Variants in TPR observed in about 807,000 individuals in gnomAD.
The protein encoded by TPR is translocated promoter region, nuclear basket protein.
A neutral mutation model predicts 316.1 loss-of-function variants in TPR; 51 were observed. The ratio of observed to expected loss-of-function variants is 0.16; its 90% CI spans 0.13 to 0.20. The LOEUF (loss-of-function observed/expected upper bound fraction) is 0.20. TPR is among the 10% of genes least tolerant of loss of function. The probability of loss-of-function intolerance (pLI) is 1.00; values close to 1 mark genes in which losing one functional copy is unlikely to be tolerated. For synonymous variants in TPR, 981 were observed against 914.7 expected, an observed-to-expected ratio of 1.07 and a Z score of -1.31; for missense variants, 2,272 against 2,754.8, an observed-to-expected ratio of 0.82 and a Z score of 3.92.
chr1:186,360,125 C>A (rs878041), intron 11 of TPR, 129 bp from the exon 12 acceptor site: 769,363 of 1,286,200 alleles, frequency 0.6, 231,553 homozygotes, highest in East Asian at 0.67. Flanking sequence ...AGTTACACAG[C>A]ACTAGGAACC....
chr1:186,370,387 T>C (rs936642350), intron 3 of TPR, among the ~76,000 whole-genome samples: 3 of 152,130 alleles, frequency 2.0e-5, no homozygotes, highest in Non-Finnish European at 2.9e-5. Flanking sequence ...TTCTTGGGTA[T>C]TGAGTCATTC....
intron 49 of TPR, 58 bp downstream of exon 49, chr1:186,317,424 T>C (rs1657643741): frequency 7.5e-7 from 1 of 1,339,000 alleles, no homozygotes; most frequent in Non-Finnish European, 1.1e-6. Flanking sequence ...TAAAGCAGTG[T>C]TTTCACAAAC....
chr1:186,337,262 C>T, intron 31 of TPR, 106 bp from the exon 32 acceptor site: 3 of 1,348,192 alleles, frequency 2.2e-6, no homozygotes, highest in Non-Finnish European at 2.9e-6. Context: ...GAAATTTTAT[C>T]CCTGAAGGTA....
intron 43 of TPR, 142 bp from the exon 44 acceptor site, chr1:186,322,728 C>T: frequency 2.6e-6 from 2 of 780,420 alleles, no homozygotes; most frequent in Middle Eastern, 2.5e-4. Context: ...CCAGGAAAAC[C>T]TGCCAAGAAA....
In TPR at chr1:186,326,107, A is replaced by T. The variant is rs1237165441; in HGVS notation, c.6018T>A (p.Ala2006=). 1 of 1,613,772 alleles carries T rather than the reference A, an allele frequency of 6.2e-7. No homozygotes were observed. Among genetic ancestry groups the T allele is most frequent in the Non-Finnish European group, 8.5e-7 (1 of 1,179,772 alleles). Reference sequence around the variant, plus strand: ...GGTTAAAATTCTAGCCAGTTACCTCAGCATCATCAGCTTCATAACCATCAT... The same window carrying T: ...GGTTAAAATTCTAGCCAGTTACCTCTGCATCATCAGCTTCATAACCATCAT... The part of the protein sequence containing the change: ...DGNDGYEADD[A]EGGDGTDPGT... Residue 2006 remains alanine (A), a synonymous_variant, in exon 41 of 51, where the codon GCT becomes GCA. Coordinates refer to ENST00000367478, the MANE Select transcript of TPR (RefSeq NM_003292.3).
intron 21 of TPR, among the ~76,000 whole-genome samples, chr1:186,349,214 G>A (rs1159110303): frequency 6.6e-6 from 1 of 152,208 alleles, no homozygotes; most frequent in African/African-American, 2.4e-5. Context: ...ATAATGAAGT[G>A]TTGAGTATTG....
At chr1:186,371,902 G>C (rs1054395366) in intron 2 of TPR, among the ~76,000 whole-genome samples, 3 of 152,036 alleles carry the variant, frequency 2.0e-5, no homozygotes, top group African/African-American at 7.2e-5. Flanking sequence ...GAAGGTATCT[G>C]ATGTATCTGT....
chr1:186,340,981 TA>T (rs1432532657), intron 29 of TPR, 46 bp downstream of exon 29: 5 of 1,582,494 alleles, frequency 3.2e-6, no homozygotes, highest in Non-Finnish European at 3.4e-6. Flanking sequence ...CCCCTATTAT[TA>T]AAAACACGTG....
At chr1:186,317,450 A>G in intron 49 of TPR, 32 bp downstream of exon 49, 1 of 1,549,660 alleles carries the variant, frequency 6.5e-7, no homozygotes, top group Non-Finnish European at 8.9e-7. Context: ...TGATGTATAA[A>G]AACTGTATTG....
intron 27 of TPR, chr1:186,343,040 A>G: frequency 3.7e-6 from 1 of 267,058 alleles, no homozygotes; most frequent in South Asian, 1.3e-4. Flanking sequence ...CCTCATTATT[A>G]TCCAAATATT....
Position 186,355,617 on chromosome 1 carries a change from C to G in TPR, c.2022+18G>C. 6.2e-7 allele frequency: 1 copy of G among 1,613,898 alleles called. No individual in the cohort carries two copies. The highest frequency in any genetic ancestry group is 8.5e-7 in the Non-Finnish European group (1 of 1,179,962). ...TGTTCTCTAAAAACCTAACCCAGGA[C>G]AAAGGTGTGATCTTTACCTGTTTAA... On this transcript the variant is annotated intron_variant, in intron 16 of 50. Coordinates refer to ENST00000367478, the MANE Select transcript of TPR (RefSeq NM_003292.3).
chr1:186,335,268 T>C (rs1346549283), intron 34 of TPR, 70 bp downstream of exon 34: 2 of 1,580,666 alleles, frequency 1.3e-6, no homozygotes, highest in African/African-American at 1.4e-5. Flanking sequence ...GGCTCCTATA[T>C]CACCAAGCAC....
intron 21 of TPR, 131 bp downstream of exon 21, chr1:186,350,092 G>A (rs1658815277): frequency 1.1e-6 from 1 of 907,602 alleles, no homozygotes; most frequent in South Asian, 2.2e-5. Flanking sequence ...AGAAAAAGTT[G>A]GGTTTTTTTT....
rs763734098 is a variant in TPR, at chr1:186,314,723, A to T, written c.6942T>A (p.Asp2314Glu). 8.1e-6 allele frequency: 13 copies of T among 1,601,128 alleles called. No individual in the cohort carries two copies. Among genetic ancestry groups the T allele is most frequent in the Non-Finnish European group, 1.1e-5 (13 of 1,173,832 alleles). ...AAGGCTTTGGTTGACTACTACTAGT[A>T]TCTAAGAAAAACATTAAGATAAAAG... ...SQDPPSSSSVDTSSSQPKPFR... is the reference protein window; with the variant it reads ...SQDPPSSSSVETSSSQPKPFR... The change falls in exon 50 of 51, where the codon GAT becomes GAA. Residue 2314 changes from aspartate (D) to glutamate (E), a missense_variant and splice_region_variant. By Grantham distance (45) the Asp-to-Glu change is conservative. Around this residue, in one of 10 missense-constraint regions of TPR, gnomAD observed 123 missense variants for 142.3 expected, o/e 0.86. Transcript: ENST00000367478.
intron 23 of TPR, 81 bp from the exon 24 acceptor site, chr1:186,345,777 G>C (rs1658659090): frequency 7.9e-6 from 8 of 1,018,082 alleles, no homozygotes; most frequent in Non-Finnish European, 5.8e-6. Context: ...TTACTAAATT[G>C]AAGTCTCATT....
intron 49 of TPR, among the ~76,000 whole-genome samples, chr1:186,315,948 A>G (rs1657599796): frequency 1.3e-5 from 2 of 150,242 alleles, no homozygotes; most frequent in African/African-American, 4.9e-5. Context: ...ACCTTCTCTT[A>G]GTGATGCTTC....
rs566899389 is a variant in TPR, at chr1:186,352,119, A to C, written c.2335-9T>G. 3.1e-4 allele frequency: 490 copies of C among 1,573,026 alleles called. 5 individuals carry two copies. In the South Asian group the frequency reaches 5.0e-3, roughly 16 times the overall value. ...AAATTTTCTGCTCTTACCTAAACATAAGTAGAAATGAAATAAAAAATGCTG... is the reference window on the plus strand; with the variant it reads ...AAATTTTCTGCTCTTACCTAAACATCAGTAGAAATGAAATAAAAAATGCTG... On this transcript the variant is annotated splice_polypyrimidine_tract_variant and intron_variant, in intron 18 of 50. Coordinates refer to ENST00000367478, the MANE Select transcript of TPR (RefSeq NM_003292.3).
intron 43 of TPR, 100 bp from the exon 44 acceptor site, chr1:186,322,686 A>G: frequency 8.4e-7 from 1 of 1,184,840 alleles, no homozygotes; most frequent in Non-Finnish European, 1.2e-6. Context: ...TGCCAACAAA[A>G]TAGTTAGCAG....
intron 21 of TPR, among the ~76,000 whole-genome samples, chr1:186,348,984 T>A (rs1365915671): frequency 6.6e-6 from 1 of 152,196 alleles, no homozygotes; most frequent in East Asian, 1.9e-4. Flanking sequence ...TCTGTATATA[T>A]GGACAGATAC....
Sources: allele counts gnomAD v4.1 joint callset (sites outside exome capture counted in the v4.1 genomes callset), GRCh38; gene constraint gnomAD v4.1.1; regional missense constraint gnomAD v4.1.1; transcripts MANE v1.5; gene names NCBI Gene and HGNC (gene_info 2026-07-23, HGNC 2026-07-21).